Variants in TSHR observed in about 807,000 individuals in gnomAD.
TSHR encodes thyrotropin receptor.
Under a neutral mutation model 64.1 loss-of-function variants are expected in TSHR, and 51 were observed. The ratio of observed to expected loss-of-function variants is 0.80; its 90% CI spans 0.64 to 1.01. TSHR has a LOEUF of 1.01. Ranked by LOEUF, TSHR falls within the 50% of genes least tolerant of loss-of-function variation. The probability of loss-of-function intolerance (pLI) is 0.00; values close to 1 mark genes in which losing one functional copy is unlikely to be tolerated. For missense variants in TSHR, 877 were observed against 942.8 expected, an observed-to-expected ratio of 0.93 and a Z score of 0.91; for synonymous variants, 361 against 361.9, an observed-to-expected ratio of 1.00 and a Z score of 0.03.
intron 1 of TSHR, among the ~76,000 whole-genome samples, chr14:80,989,326 C>T (rs941110921): frequency 2.0e-5 from 3 of 152,116 alleles, no homozygotes; most frequent in African/African-American, 7.2e-5. Flanking sequence ...TCTATGTTCT[C>T]GGCACCTCAC....
At chr14:81,032,115 T>C (rs1884379713) in intron 1 of TSHR, among the ~76,000 whole-genome samples, 1 of 152,182 alleles carries the variant, frequency 6.6e-6, no homozygotes, top group Admixed American at 6.5e-5. Flanking sequence ...GGGAAGATAA[T>C]TTATGATCTG....
chr14:81,122,308 T>G (rs1267944064), intron 8 of TSHR, among the ~76,000 whole-genome samples: 2 of 151,720 alleles, frequency 1.3e-5, no homozygotes, highest in African/African-American at 4.8e-5. Context: ...CTACCAAAGT[T>G]CTGGGATTAT....
intron 3 of TSHR, among the ~76,000 whole-genome samples, chr14:81,075,635 T>TCCCTCCC (rs1473959050): frequency 2.5e-5 from 3 of 119,710 alleles, no homozygotes; most frequent in African/African-American, 9.5e-5. Context: ...CCCAATGCTA[T>TCCCTCCC]CCCTCCCCCC....
intron 1 of TSHR, chr14:80,992,356 T>G (rs1400346347): frequency 7.7e-6 from 1 of 130,474 alleles, no homozygotes; most frequent in African/African-American, 3.0e-5. Context: ...GTCGAGATCA[T>G]GCCACTGCAC....
chr14:81,048,276 A>G (rs894127327), intron 1 of TSHR, among the ~76,000 whole-genome samples: 1 of 152,140 alleles, frequency 6.6e-6, no homozygotes. Context: ...GGGACTTCTC[A>G]TATACAGCAG....
intron 3 of TSHR, among the ~76,000 whole-genome samples, chr14:81,072,877 G>C (rs1410650382): frequency 7.2e-6 from 1 of 139,144 alleles, no homozygotes; most frequent in Non-Finnish European, 1.5e-5. Flanking sequence ...GGCGCCTGTA[G>C]TCCCAGCTAC....
intron 1 of TSHR, chr14:81,049,568 G>A (rs1031215386): frequency 6.6e-6 from 1 of 151,754 alleles, no homozygotes. Context: ...GGTTGAGGAA[G>A]AGCAAAGAGA....
chr14:81,018,785 G>A (rs925167570), intron 1 of TSHR, among the ~76,000 whole-genome samples: 3 of 152,146 alleles, frequency 2.0e-5, no homozygotes, highest in Admixed American at 2.0e-4. Context: ...TAGGCTTTGA[G>A]AAACTAGTCT....
chr14:80,955,767 C>A lies in TSHR; in HGVS notation c.87C>A (p.Cys29Ter), dbSNP rs777166186. The A allele has an allele frequency of 8.1e-6, 13 of 1,614,066 alleles. No individual in the cohort carries two copies. Among genetic ancestry groups the A allele is most frequent in the Admixed American group, 1.7e-5 (1 of 60,002 alleles). Residue 29 changes from cysteine to a stop codon, truncating the protein, a stop_gained, in exon 1 of 10, where the codon TGC (cysteine) becomes TGA (stop). Coordinates refer to ENST00000298171, the MANE Select transcript of TSHR (RefSeq NM_000369.5). LOFTEE classifies it high-confidence loss of function. ...GAATGGGGTGTTCGTCTCCACCCTG[C>A]GAGTGCCATCAGGAGGAGGACTTCA... ...LGGMGCSSPPCECHQEEDFRV... is the reference protein window; with the variant it reads ...LGGMGCSSPP
intron 1 of TSHR, chr14:80,995,568 A>G (rs1274930298): frequency 6.6e-6 from 1 of 152,212 alleles, no homozygotes; most frequent in East Asian, 1.9e-4. Context: ...TCAGCAAACC[A>G]ACACAGGAAC....
In TSHR at chr14:80,976,112, C is replaced by G. The variant is rs556850532; in HGVS notation, c.170+20262C>G. On this transcript the variant is annotated intron_variant, in intron 1 of 9. Coordinates refer to ENST00000298171, the MANE Select transcript of TSHR (RefSeq NM_000369.5). ...ATTTTTACTAGAGACGGGGTTTCAC[C>G]GTGTTAGCCAGGATGGTCTCCATCT... Among the ~76,000 whole-genome samples the G allele has an allele frequency of 2.0e-5, 3 of 152,210 alleles. No individual in the cohort carries two copies. In the South Asian group the frequency reaches 6.2e-4, roughly 32 times the overall value.
intron 4 of TSHR, among the ~76,000 whole-genome samples, chr14:81,089,039 G>A (rs1888513285): frequency 6.7e-6 from 1 of 148,734 alleles, no homozygotes; most frequent in Non-Finnish European, 1.5e-5. Flanking sequence ...CCAGGCTGGA[G>A]TGCAGTGGTG....
intron 8 of TSHR, among the ~76,000 whole-genome samples, chr14:81,127,017 CTA>C (rs1175462096): frequency 6.6e-6 from 1 of 152,196 alleles, no homozygotes; most frequent in African/African-American, 2.4e-5. Context: ...GCCATGTATA[CTA>C]TGTTCTGTAG....
At chr14:81,124,126 AT>A (rs368718553) in intron 8 of TSHR, among the ~76,000 whole-genome samples, 1 of 152,210 alleles carries the variant, frequency 6.6e-6, no homozygotes, top group African/African-American at 2.4e-5. Context: ...AGGTATCAGC[AT>A]AAATAAACTT....
intron 1 of TSHR, among the ~76,000 whole-genome samples, chr14:80,979,984 A>C (rs1888086086): frequency 6.6e-6 from 1 of 152,202 alleles, no homozygotes; most frequent in African/African-American, 2.4e-5. Flanking sequence ...AGAAAATTTC[A>C]GACTCTTCAC....
chr14:81,108,794 C>T, intron 8 of TSHR: 2 of 1,570,650 alleles, frequency 1.3e-6, no homozygotes, highest in Non-Finnish European at 1.7e-6. Flanking sequence ...GGAAGGCACT[C>T]TAGTCTTTGC....
intron 8 of TSHR, among the ~76,000 whole-genome samples, chr14:81,111,736 C>A (rs150474396): frequency 6.6e-6 from 1 of 152,076 alleles, no homozygotes. Flanking sequence ...TTTAATTCTG[C>A]CTTAGAGGGC....
At chr14:81,068,696 C>T (rs565793299) in intron 3 of TSHR, among the ~76,000 whole-genome samples, 5 of 152,192 alleles carry the variant, frequency 3.3e-5, no homozygotes, top group South Asian at 2.1e-4. Flanking sequence ...TTCCTTAATT[C>T]GGAAAGAGAA....
chr14:81,111,916 G>T lies in TSHR; in HGVS notation c.692+3464G>T, dbSNP rs931024144. ...TATTTTAAAGATATTTTAGTCTGTT[G>T]TCCTCAAGGGAATGTGTCCATTTCT... On this transcript the variant is annotated intron_variant, in intron 8 of 9. Coordinates refer to ENST00000298171, the MANE Select transcript of TSHR (RefSeq NM_000369.5). 2.0e-4 allele frequency among the ~76,000 whole-genome samples: 30 copies of T among 152,184 alleles called. 1 individual carries two copies. Among genetic ancestry groups the T allele is most frequent in the African/African-American group, 6.5e-4 (27 of 41,456 alleles).
Sources: allele counts gnomAD v4.1 joint callset (sites outside exome capture counted in the v4.1 genomes callset), GRCh38; gene constraint gnomAD v4.1.1; transcripts MANE v1.5; gene names NCBI Gene and HGNC (gene_info 2026-07-23, HGNC 2026-07-21).